The following CLINT1 variants were observed in gnomAD, a reference collection of about 807,000 sequenced individuals.
CLINT1 encodes the protein clathrin interactor 1.
Under a neutral mutation model 70.4 loss-of-function variants are expected in CLINT1, and 15 were observed. The ratio of observed to expected loss-of-function variants is 0.21; its 90% confidence interval spans 0.14 to 0.33. The LOEUF is 0.33. Among genes scored for constraint, CLINT1 ranks in the 10% least tolerant of loss-of-function variants. CLINT1 has a pLI of 1.00. For missense variants in CLINT1, 615 were observed against 778.1 expected, an observed-to-expected ratio of 0.79 and a Z score of 2.49; for synonymous variants, 227 against 254.7, an observed-to-expected ratio of 0.89 and a Z score of 1.04.
rs749234588 is a variant in CLINT1, at chr5:157,839,609, T to TAA, written c.41+19319_41+19320dup. Among the ~76,000 whole-genome samples, 22 of 127,156 alleles carry TAA rather than the reference T, an allele frequency of 1.7e-4. No individual in the cohort carries two copies. The South Asian group carries it at 3.3e-3, about 19-fold the overall frequency. The allele number at this position is 127,156 out of a possible 152,430, so 83.4% of individuals were successfully genotyped here. ...GAGCGAGACTCAGTCTTAAATAAAA[T>TAA]AAAAAAAAAAAACAAACAAAAAAAA... is the stretch of plus-strand genomic sequence containing the variant. On this transcript the variant is annotated intron_variant, in intron 1 of 11. Transcript: ENST00000411809.
rs1306809723 is a variant in CLINT1 at position 157,825,217 on chromosome 5, TG to T, written c.42-7671del. 8.5e-5 allele frequency among the ~76,000 whole-genome samples: 13 copies of T among 152,300 alleles called. 1 individual carries two copies. The highest frequency in any genetic ancestry group is 4.1e-4 in the South Asian group (2 of 4,828). Reference sequence around the variant, plus strand: ...TCAATCCAATGATATCATATGTATATGGGATGCATATTATTTATGGCTTCAA... The same window carrying T: ...TCAATCCAATGATATCATATGTATATGGATGCATATTATTTATGGCTTCAA... On this transcript the variant is annotated intron_variant, in intron 1 of 11. Coordinates refer to ENST00000411809, the MANE Select transcript of CLINT1 (RefSeq NM_014666.4).
At chr5:157,818,406 A>C (rs920665684) in intron 1 of CLINT1, among the ~76,000 whole-genome samples, 1 of 148,676 alleles carries the variant, frequency 6.7e-6, no homozygotes, top group African/African-American at 2.5e-5. Flanking sequence ...TATGTTAGCT[A>C]TTATTACTAT....
At chr5:157,855,974 G>A (rs1198111345) in intron 1 of CLINT1, among the ~76,000 whole-genome samples, 2 of 151,596 alleles carry the variant, frequency 1.3e-5, no homozygotes, top group Admixed American at 6.6e-5. Context: ...CTTAAGAGCC[G>A]CTACCATACT....
At chr5:157,792,811 T>C (rs1223977903) in intron 9 of CLINT1, among the ~76,000 whole-genome samples, 1 of 152,182 alleles carries the variant, frequency 6.6e-6, no homozygotes, top group Non-Finnish European at 1.5e-5. Context: ...AATTTTTATA[T>C]TGAAAGGAAC....
At chr5:157,819,047 T>A (rs749890993) in intron 1 of CLINT1, among the ~76,000 whole-genome samples, 3 of 152,176 alleles carry the variant, frequency 2.0e-5, no homozygotes, top group South Asian at 2.1e-4. Flanking sequence ...TTTTCAGTCA[T>A]CAAAAACTTC....
At chr5:157,845,030 C>CT (rs930363201) in intron 1 of CLINT1, among the ~76,000 whole-genome samples, 3 of 152,200 alleles carry the variant, frequency 2.0e-5, no homozygotes, top group Admixed American at 6.5e-5. Flanking sequence ...ACAGAACACA[C>CT]TGCAACTGAA....
intron 8 of CLINT1, 127 bp from the exon 9 acceptor site, chr5:157,795,099 A>G (rs1437377392): frequency 5.7e-6 from 4 of 707,022 alleles, no homozygotes; most frequent in Non-Finnish European, 9.8e-6. Context: ...CAAAAGCTAA[A>G]GCTAGTCTGT....
At chr5:157,835,571 T>C (rs1306834817) in intron 1 of CLINT1, among the ~76,000 whole-genome samples, 1 of 152,036 alleles carries the variant, frequency 6.6e-6, no homozygotes, top group Non-Finnish European at 1.5e-5. Flanking sequence ...AACGAATGTC[T>C]AACATAAGAT....
chr5:157,812,189 G>C (rs1017837922), intron 5 of CLINT1, among the ~76,000 whole-genome samples: 2 of 152,102 alleles, frequency 1.3e-5, no homozygotes, highest in African/African-American at 2.4e-5. Flanking sequence ...TATATGTTAA[G>C]ATTTTTACAT....
intron 1 of CLINT1, among the ~76,000 whole-genome samples, chr5:157,833,846 T>C (rs1455518135): frequency 2.0e-5 from 3 of 151,658 alleles, no homozygotes; most frequent in Non-Finnish European, 4.4e-5. Context: ...GAGGCTGAGG[T>C]GGGAGGATCA....
At chr5:157,791,550 T>A in intron 10 of CLINT1, 153 bp downstream of exon 10, 2 of 706,614 alleles carry the variant, frequency 2.8e-6, no homozygotes, top group East Asian at 2.6e-5. Flanking sequence ...GTAAATGAAA[T>A]GTGCAAATGC....
intron 1 of CLINT1, among the ~76,000 whole-genome samples, chr5:157,850,378 G>A (rs914901424): frequency 6.6e-6 from 1 of 152,072 alleles, no homozygotes; most frequent in Non-Finnish European, 1.5e-5. Context: ...AGCACTTTGG[G>A]AGGCTTGAGG....
intron 8 of CLINT1, among the ~76,000 whole-genome samples, chr5:157,800,559 G>T (rs1446339556): frequency 6.6e-6 from 1 of 152,018 alleles, no homozygotes; most frequent in East Asian, 1.9e-4. Context: ...ATTGAAGAGG[G>T]AGCTGCACAA....
chr5:157,833,812 G>A (rs1181872223), intron 1 of CLINT1, among the ~76,000 whole-genome samples: 3 of 151,678 alleles, frequency 2.0e-5, no homozygotes, highest in Non-Finnish European at 4.4e-5. Context: ...AAGGTGGTGT[G>A]CACCTGCAGT....
intron 8 of CLINT1, chr5:157,796,094 C>G (rs544964427): frequency 6.6e-6 from 1 of 152,264 alleles, no homozygotes; most frequent in South Asian, 2.1e-4. Context: ...AATATCAATA[C>G]AATAGTTTTG....
intron 3 of CLINT1, among the ~76,000 whole-genome samples, chr5:157,814,870 T>C (rs894514922): frequency 6.6e-6 from 1 of 151,704 alleles, no homozygotes; most frequent in African/African-American, 2.4e-5. Context: ...TCGTCTCTAC[T>C]AAAAATACAA....
chr5:157,858,878 C>CGG, intron 1 of CLINT1, 52 bp downstream of exon 1: 1 of 524,912 alleles, frequency 1.9e-6, no homozygotes, highest in Non-Finnish European at 3.3e-6. Flanking sequence ...TCCTTCTCCC[C>CGG]CTCCCCCCTC....
intron 11 of CLINT1, among the ~76,000 whole-genome samples, chr5:157,788,414 T>C (rs976454785): frequency 6.6e-6 from 1 of 152,218 alleles, no homozygotes. Context: ...AAAAAGTTTA[T>C]ATCCTTTGAC....
chr5:157,817,587 T>A, intron 1 of CLINT1, 40 bp from the exon 2 acceptor site: 2 of 1,314,030 alleles, frequency 1.5e-6, no homozygotes, highest in Non-Finnish European at 2.2e-6. Context: ...GCACAAAGAT[T>A]AGCATCAAAA....
Sources: gnomAD v4.1 joint callset for allele counts (sites outside exome capture counted in the v4.1 genomes callset) on GRCh38, gnomAD v4.1.1 for gene constraint, MANE v1.5 for transcripts, NCBI Gene and HGNC (gene_info 2026-07-23, HGNC 2026-07-21) for gene names.